Variants in GIGYF1 observed in about 807,000 individuals in gnomAD.
GIGYF1 encodes the protein GRB10 interacting GYF protein 1.
GIGYF1 carries 84 observed loss-of-function variants against 147.1 expected under a neutral mutation model. That is an observed-to-expected ratio of 0.57 (90% confidence interval 0.48 to 0.68). The LOEUF is 0.68. Ranked by LOEUF, GIGYF1 falls within the 30% of genes least tolerant of loss-of-function variation. The probability of loss-of-function intolerance (pLI) is 0.00; values close to 1 mark genes in which losing one functional copy is unlikely to be tolerated. For missense variants in GIGYF1, 1,485 were observed against 1,393.7 expected, an observed-to-expected ratio of 1.07 and a Z score of -1.04; for synonymous variants, 752 against 589.5, an observed-to-expected ratio of 1.28 and a Z score of -3.99.
In GIGYF1 at chr7:100,687,859, C is replaced by G; in HGVS notation, c.190G>C (p.Glu64Gln). The change falls in exon 6 of 27, where the codon GAG (glutamate) becomes CAG (glutamine). Residue 64 changes from glutamate (E) to glutamine (Q), a missense_variant. Physicochemically the swap from Glu to Gln is conservative, Grantham distance 29. Coordinates refer to ENST00000678049, the MANE Select transcript of GIGYF1 (RefSeq NM_001375765.1). ...NKVPEELQDKEFAAVLQDEPL... is the reference protein window; with the variant it reads ...NKVPEELQDKQFAAVLQDEPL... ...TCGTCCTGCAGCACCGCGGCGAACT[C>G]CTTGTCCTGCAGCTCTTCCGGGACC... 6.2e-7 allele frequency: 1 copy of G among 1,613,382 alleles called. No homozygotes were observed. Among genetic ancestry groups the G allele is most frequent in the East Asian group, 2.2e-5 (1 of 44,880 alleles).
In GIGYF1 at chr7:100,683,611, T is replaced by C. The variant is rs776517459; in HGVS notation, c.1991A>G (p.Asp664Gly). 2.5e-6 allele frequency: 4 copies of C among 1,614,148 alleles called. No individual in the cohort carries two copies. The South Asian group carries it at 4.4e-5, about 18-fold the overall frequency. The change falls in exon 20 of 27, where the codon GAC becomes GGC. Residue 664 changes from aspartate (D) to glycine (G), a missense_variant. By Grantham distance (94) the Asp-to-Gly change is moderately conservative. Transcript: ENST00000678049. The part of the protein sequence containing the change: ...SQSGGEASLW[D>G]IPINSSTQGP... The stretch of plus-strand genomic sequence containing the variant: ...CTGAGTCGAAGAGTTAATTGGTATG[T>C]CCCAAAGACTGGCCTCACCACCTGC...
In GIGYF1 at chr7:100,688,845, C is replaced by T. The variant is rs1805613684; in HGVS notation, c.-388G>A. Reference sequence around the variant, plus strand: ...TCTCTGGGCATCAGCACCCTCGCCACCCTCTCTGGGAGGCTGAGACAGGAG... The same window carrying T: ...TCTCTGGGCATCAGCACCCTCGCCATCCTCTCTGGGAGGCTGAGACAGGAG... On this transcript the variant is annotated 5_prime_UTR_variant, in exon 2 of 27. In the 5' UTR this introduces an upstream ATG that the reference lacks. Coordinates refer to ENST00000678049, the MANE Select transcript of GIGYF1 (RefSeq NM_001375765.1). The T allele has an allele frequency of 1.6e-5, 3 of 185,904 alleles. No homozygotes were observed. Among genetic ancestry groups the T allele is most frequent in the Admixed American group, 1.2e-4 (2 of 17,254 alleles). 11.5% of individuals were successfully genotyped at this position (185,904 alleles called of 1,614,324 possible).
chr7:100,684,980 C>T (rs201267944), intron 14 of GIGYF1, 69 bp downstream of exon 14: 50 of 1,543,914 alleles, frequency 3.2e-5, no homozygotes, highest in East Asian at 1.6e-4. Flanking sequence ...GAGCTGGGGC[C>T]GGGGCTGGGG....
At chr7:100,687,735 C>G in intron 6 of GIGYF1, 53 bp downstream of exon 6, 1 of 1,584,000 alleles carries the variant, frequency 6.3e-7, no homozygotes, top group South Asian at 1.1e-5. Context: ...CTAACCCAAC[C>G]CATGGCCTCC....
At position 100,684,773 on chromosome 7, in the gene GIGYF1, T is replaced by C. The variant is rs1185057890; in HGVS notation, c.1412A>G (p.His471Arg). 18 of 1,612,364 alleles carry C rather than the reference T, an allele frequency of 1.1e-5. No individual in the cohort carries two copies. The highest frequency in any genetic ancestry group is 1.4e-5 in the Non-Finnish European group (16 of 1,179,556). Residue 471 changes from histidine to arginine, a missense_variant, in exon 15 of 27, where the codon CAT becomes CGT. Transcript: ENST00000678049. ...GTAGAACCACTTCCGGGCAGCCCCA[T>C]GGCTGAGCGGGAGGGCAGTGGCGGC... ...SAAATALPLS[H>R]GAARKWFYKD...
chr7:100,686,943 A>G lies in GIGYF1; in HGVS notation c.523+63T>C, dbSNP rs576496536. ...CAACACCTCCGAAATAAGCACCCCC[A>G]GACTGGGCCACCCATCTTGGTCCTC... On this transcript the variant is annotated intron_variant, in intron 9 of 26. Coordinates refer to ENST00000678049, the MANE Select transcript of GIGYF1 (RefSeq NM_001375765.1). 1.2e-6 allele frequency: 2 copies of G among 1,607,500 alleles called. 1 individual carries two copies. The highest frequency in any genetic ancestry group is 2.2e-5 in the South Asian group (2 of 90,942).
Position 100,682,428 on chromosome 7 carries a change from T to C in GIGYF1, c.2655A>G (p.Glu885=), listed in dbSNP as rs1453816938. The change falls in exon 24 of 27, where the codon GAA becomes GAG. Residue 885 remains glutamate, a synonymous_variant. Transcript: ENST00000678049. ...CCTGCAGCAGCTTCAGCAGCTTCTC[T>C]TCTTCCTCCGTCTTTTTGCGAATGG... ...GRPIRKKTEE[E]EKLLKLLQGI... is the part of the protein sequence containing the mutation. 6.2e-7 allele frequency: 1 copy of C among 1,613,662 alleles called. No homozygotes were observed. The highest frequency in any genetic ancestry group is 1.7e-5 in the Admixed American group (1 of 60,018).
chr7:100,679,565 G>A lies in GIGYF1; in HGVS notation c.*2154C>T, dbSNP rs1329822518. 1 of 152,530 alleles carries A rather than the reference G, an allele frequency of 6.6e-6. No individual in the cohort carries two copies. The highest frequency in any genetic ancestry group is 1.5e-5 in the Non-Finnish European group (1 of 67,952). 9.4% of individuals were successfully genotyped at this position (152,530 alleles called of 1,614,324 possible). A position where few individuals can be genotyped will look rare whatever the true frequency, so the allele number is the denominator to read the frequency against. On this transcript the variant is annotated 3_prime_UTR_variant, in exon 27 of 27. Coordinates refer to ENST00000678049, the MANE Select transcript of GIGYF1 (RefSeq NM_001375765.1). ...GGAGTATTTACAGGAGCAGGTAAAA[G>A]AGAGGGAAGTCACACAGGGTGGAGA... is the stretch of plus-strand genomic sequence containing the variant.
rs182609831 is a variant in GIGYF1 at position 100,681,435 on chromosome 7, G to T, written c.*284C>A. Reference sequence around the variant, plus strand: ...ACACCCACTATCCTCACAGCAGGAAGGGGTGTTTAGAGTCTAGTTTTTAAC... The same window carrying T: ...ACACCCACTATCCTCACAGCAGGAATGGGTGTTTAGAGTCTAGTTTTTAAC... On this transcript the variant is annotated 3_prime_UTR_variant, in exon 27 of 27. Coordinates refer to ENST00000678049, the MANE Select transcript of GIGYF1 (RefSeq NM_001375765.1). 3.0e-6 allele frequency: 1 copy of T among 336,272 alleles called. No individual in the cohort carries two copies. 20.8% of individuals were successfully genotyped at this position (336,272 alleles called of 1,614,324 possible).
rs375686770 is a variant in GIGYF1 at position 100,686,793 on chromosome 7, C to T, written c.550G>A (p.Ala184Thr). The change falls in exon 10 of 27, where the codon GCT becomes ACT. Residue 184 changes from alanine to threonine, a missense_variant. Transcript: ENST00000678049. ...GARCGFEEGG[A>T]GPRKEHARSD... ...CGGGCGTGCTCCTTCCTTGGGCCAG[C>T]CCCTCCCTCCTCAAAGCCACATCGT... 1 of 1,614,024 alleles carries T rather than the reference C, an allele frequency of 6.2e-7. No individual in the cohort carries two copies. Among genetic ancestry groups the T allele is most frequent in the Non-Finnish European group, 8.5e-7 (1 of 1,179,992 alleles).
chr7:100,681,799 G>A, intron 26 of GIGYF1, 28 bp from the exon 27 acceptor site: 2 of 1,594,300 alleles, frequency 1.3e-6, no homozygotes, highest in Non-Finnish European at 1.7e-6. Context: ...CTGCGTCTGA[G>A]CTCTCTCCTG....
rs766488709 is a variant in GIGYF1, at chr7:100,685,966, C to T, written c.1054+8G>A. The T allele has an allele frequency of 4.1e-5, 66 of 1,610,414 alleles. No homozygotes were observed. The highest frequency in any genetic ancestry group is 4.5e-5 in the East Asian group (2 of 44,852). ...AGCCCCAGGCCCGCTGGGCACCCCG[C>T]GGCTCACCTGCCTCAGGCCCTTCCT... On this transcript the variant is annotated splice_region_variant and intron_variant, in intron 12 of 26. Transcript: ENST00000678049.
At position 100,687,340 on chromosome 7, in the gene GIGYF1, C is replaced by T. The variant is rs765887006; in HGVS notation, c.440G>A (p.Arg147Gln). The T allele has an allele frequency of 4.3e-6, 7 of 1,613,190 alleles. No homozygotes were observed. In the East Asian group the frequency reaches 6.7e-5, roughly 15 times the overall value. Residue 147 changes from arginine to glutamine, a missense_variant, in exon 8 of 27, where the codon CGA becomes CAA. By Grantham distance (43) the Arg-to-Gln change is conservative. Coordinates refer to ENST00000678049, the MANE Select transcript of GIGYF1 (RefSeq NM_001375765.1). ...GCTGCGCTGGATTTCCCGGGGGCTTCGTCCAAAGGCCCCATCGCCTTCTTC... is the reference window on the plus strand; with the variant it reads ...GCTGCGCTGGATTTCCCGGGGGCTTTGTCCAAAGGCCCCATCGCCTTCTTC... The part of the protein sequence containing the change: ...SIEEGDGAFG[R>Q]SPREIQRSQS...
rs553089567 is a variant in GIGYF1 at position 100,683,603 on chromosome 7, T to C, written c.1999A>G (p.Ile667Val). ...ATTGGACCCTGAGTCGAAGAGTTAA[T>C]TGGTATGTCCCAAAGACTGGCCTCA... ...GGEASLWDIP[I>V]NSSTQGPILE... Residue 667 changes from isoleucine (I) to valine (V), a missense_variant, in exon 20 of 27, where the codon ATT becomes GTT. By Grantham distance (29) the Ile-to-Val change is conservative. Coordinates refer to ENST00000678049, the MANE Select transcript of GIGYF1 (RefSeq NM_001375765.1). 1.2e-5 allele frequency: 19 copies of C among 1,614,190 alleles called. 1 individual carries two copies. The highest frequency in any genetic ancestry group is 1.5e-5 in the Non-Finnish European group (18 of 1,180,000).
intron 9 of GIGYF1, 79 bp from the exon 10 acceptor site, chr7:100,686,898 G>A: frequency 6.2e-7 from 1 of 1,601,338 alleles, no homozygotes; most frequent in South Asian, 1.1e-5. Flanking sequence ...GGGGGGGCCA[G>A]CTCCAGGCCC....
At chr7:100,682,534 G>T (rs968347454) in intron 23 of GIGYF1, 52 bp from the exon 24 acceptor site, 1 of 1,597,862 alleles carries the variant, frequency 6.3e-7, no homozygotes, top group Non-Finnish European at 8.5e-7. Flanking sequence ...GGGGTTGGGG[G>T]GGTCTGCCAC....
rs761782860 is a variant in GIGYF1, at chr7:100,683,356, T to C, written c.2141A>G (p.Gln714Arg). Reference sequence around the variant, plus strand: ...CTCCTGCCGCCGCTTCTGCTCCTCCTGCTGCTGCTGGCGGCGCTTCTCCTC... The same window carrying C: ...CTCCTGCCGCCGCTTCTGCTCCTCCCGCTGCTGCTGGCGGCGCTTCTCCTC... ...RREEKRRQQQ[Q>R]EEQKRRQEEE... Residue 714 changes from glutamine to arginine, a missense_variant, in exon 21 of 27, where the codon CAG (glutamine) becomes CGG (arginine). Physicochemically the swap from Gln to Arg is conservative, Grantham distance 43. Transcript: ENST00000678049. The C allele has an allele frequency of 1.9e-6, 3 of 1,613,252 alleles. No individual in the cohort carries two copies. Among genetic ancestry groups the C allele is most frequent in the Middle Eastern group, 1.6e-4 (1 of 6,062 alleles).
rs1805601949 is a variant in GIGYF1 at position 100,688,689 on chromosome 7, T to G, written c.-232A>C. On this transcript the variant is annotated 5_prime_UTR_variant, in exon 2 of 27. Coordinates refer to ENST00000678049, the MANE Select transcript of GIGYF1 (RefSeq NM_001375765.1). ...GAATTGGTCTGACCTCAGTAGAGCCTGGGAGGGACCTTCACATCTGGGAAA... is the reference window on the plus strand; with the variant it reads ...GAATTGGTCTGACCTCAGTAGAGCCGGGGAGGGACCTTCACATCTGGGAAA... 3 of 362,458 alleles carry G rather than the reference T, an allele frequency of 8.3e-6. No individual in the cohort carries two copies. Among genetic ancestry groups the G allele is most frequent in the African/African-American group, 4.3e-5 (2 of 47,006 alleles). The allele number at this position is 362,458 out of a possible 1,614,324, so 22.5% of individuals were successfully genotyped here. A position where few individuals can be genotyped will look rare whatever the true frequency, so the allele number is the denominator to read the frequency against.
At position 100,682,103 on chromosome 7, in the gene GIGYF1, T is replaced by C. The variant is rs1374471986; in HGVS notation, c.2894A>G (p.Gln965Arg). 28 of 1,613,610 alleles carry C rather than the reference T, an allele frequency of 1.7e-5. No homozygotes were observed. The highest frequency in any genetic ancestry group is 2.3e-5 in the Non-Finnish European group (27 of 1,179,876). ...CTGCTGCCGCTGCTGGCTGGCTTTC[T>C]GCTTGGCCCTCCGCTCCAGGAATTG... The part of the protein sequence containing the change: ...AKQFLERRAK[Q>R]KASQQRQQQQ... Residue 965 changes from glutamine to arginine, a missense_variant, in exon 25 of 27, where the codon CAG becomes CGG. Coordinates refer to ENST00000678049, the MANE Select transcript of GIGYF1 (RefSeq NM_001375765.1).
Sources: gnomAD v4.1 joint callset for allele counts on GRCh38, gnomAD v4.1.1 for gene constraint, MANE v1.5 for transcripts, NCBI Gene and HGNC (gene_info 2026-07-23, HGNC 2026-07-21) for gene names.